Variants in LINGO2 observed in about 807,000 individuals in gnomAD.
The protein encoded by LINGO2 is leucine-rich repeat and immunoglobulin-like domain-containing nogo receptor-interacting protein 2.
In LINGO2, 14 loss-of-function variants were observed where a neutral mutation model predicts 30.6. The observed-to-expected ratio is 0.46, with a 90% confidence interval of 0.30 to 0.72. LINGO2 has a LOEUF of 0.72. Among genes scored for constraint, LINGO2 ranks in the 30% least tolerant of loss-of-function variants. The pLI, the probability that LINGO2 is intolerant of heterozygous loss-of-function variation, is 0.07. For synonymous variants in LINGO2, 317 were observed against 288.5 expected (o/e 1.10, Z -1.00); for missense variants, 729 against 751.7 (o/e 0.97, Z 0.35).
intron 2 of LINGO2, among the ~76,000 whole-genome samples, chr9:28,373,160 TA>T (rs762998321): frequency 3.3e-5 from 5 of 152,220 alleles, no homozygotes; most frequent in Non-Finnish European, 7.3e-5. Flanking sequence ...AGGGGATGTT[TA>T]ATAAACATGA....
At chr9:29,069,165 C>T in the LINGO2 span, among the ~76,000 whole-genome samples, 3 of 151,870 alleles carry the variant, frequency 2.0e-5, no homozygotes, top group Admixed American at 6.6e-5. Context: ...TAAGTGAACA[C>T]ATGATACTTA....
intron 2 of LINGO2, among the ~76,000 whole-genome samples, chr9:28,467,041 G>GT: frequency 6.6e-6 from 1 of 150,654 alleles, no homozygotes; most frequent in South Asian, 2.1e-4. Context: ...TTTTTGGGGG[G>GT]GGGGGACGGA....
chr9:28,964,688 A>G, the LINGO2 span, among the ~76,000 whole-genome samples: 1 of 152,024 alleles, frequency 6.6e-6, no homozygotes, highest in East Asian at 1.9e-4. Context: ...TGATAGAGAT[A>G]TTAGAGGCCT....
At chr9:28,044,442 T>C (rs2133009957) in intron 4 of LINGO2, among the ~76,000 whole-genome samples, 1 of 152,312 alleles carries the variant, frequency 6.6e-6, no homozygotes, top group East Asian at 1.9e-4. Flanking sequence ...ATGGATCAGC[T>C]GTAAGTCTCA....
At chr9:28,426,658 G>T (rs1201591905) in intron 2 of LINGO2, among the ~76,000 whole-genome samples, 1 of 152,082 alleles carries the variant, frequency 6.6e-6, no homozygotes, top group Non-Finnish European at 1.5e-5. Flanking sequence ...GGGACAGAGA[G>T]GTTGCCCCTG....
chr9:28,772,508 C>T, the LINGO2 span, among the ~76,000 whole-genome samples: 5 of 152,204 alleles, frequency 3.3e-5, no homozygotes, highest in African/African-American at 9.6e-5. Flanking sequence ...AATGAGACCC[C>T]AGCTTAGCAA....
At chr9:27,956,195 G>A (rs150361626) in intron 5 of LINGO2, among the ~76,000 whole-genome samples, 1 of 152,076 alleles carries the variant, frequency 6.6e-6, no homozygotes, top group Non-Finnish European at 1.5e-5. Context: ...TGCCCGCCTC[G>A]GCTCCCAAAA....
intron 3 of LINGO2, among the ~76,000 whole-genome samples, chr9:28,308,796 G>T (rs1225342006): frequency 1.3e-5 from 2 of 152,022 alleles, no homozygotes; most frequent in Non-Finnish European, 2.9e-5. Context: ...CTTCTCAAAA[G>T]AAGACATTTA....
chr9:28,714,089 G>A, the LINGO2 span, among the ~76,000 whole-genome samples: 1 of 151,130 alleles, frequency 6.6e-6, no homozygotes, highest in Non-Finnish European at 1.5e-5. Flanking sequence ...AACCTGGGAG[G>A]TGGAGGTTGC....
At chr9:29,113,378 A>C in the LINGO2 span, among the ~76,000 whole-genome samples, 1 of 152,308 alleles carries the variant, frequency 6.6e-6, no homozygotes, top group South Asian at 2.1e-4. Flanking sequence ...AGAAATCAGA[A>C]GTTTACATAT....
the LINGO2 span, among the ~76,000 whole-genome samples, chr9:28,738,362 T>G: frequency 2.0e-5 from 3 of 152,144 alleles, no homozygotes. Flanking sequence ...CATATTCACT[T>G]AAATATACTT....
At chr9:28,404,926 G>GTT (rs1554717019) in intron 2 of LINGO2, among the ~76,000 whole-genome samples, 8 of 150,930 alleles carry the variant, frequency 5.3e-5, no homozygotes, top group East Asian at 2.0e-4. Flanking sequence ...GTGTGTGTGT[G>GTT]TAAAATTCCA....
chr9:28,303,532 C>A (rs1034815054), intron 3 of LINGO2, among the ~76,000 whole-genome samples: 1 of 152,116 alleles, frequency 6.6e-6, no homozygotes, highest in African/African-American at 2.4e-5. Flanking sequence ...CAATATTTGA[C>A]TCCCCCAAAA....
the LINGO2 span, among the ~76,000 whole-genome samples, chr9:29,029,555 A>C: frequency 6.6e-5 from 10 of 152,136 alleles, no homozygotes; most frequent in Non-Finnish European, 5.9e-5. Flanking sequence ...CATACTTAGA[A>C]TGAATACTTC....
chr9:28,591,656 G>A (rs576400904), intron 1 of LINGO2, among the ~76,000 whole-genome samples: 3 of 152,148 alleles, frequency 2.0e-5, no homozygotes, highest in Non-Finnish European at 4.4e-5. Context: ...GGTTGGGAAC[G>A]CGGCACTGCT....
chr9:29,168,107 A>C, the LINGO2 span, among the ~76,000 whole-genome samples: 33 of 152,140 alleles, frequency 2.2e-4, no homozygotes, highest in Admixed American at 6.5e-5. Flanking sequence ...TGAACTAGGA[A>C]TAGAAAGACC....
At chr9:28,848,594 C>G in the LINGO2 span, among the ~76,000 whole-genome samples, 252 of 150,578 alleles carry the variant, frequency 1.7e-3, 2 homozygotes, top group Non-Finnish European at 2.4e-4. Flanking sequence ...CAACAAGACC[C>G]TCTGCTTTTT....
chr9:29,001,005 G>T, the LINGO2 span, among the ~76,000 whole-genome samples: 1 of 151,994 alleles, frequency 6.6e-6, no homozygotes, highest in African/African-American at 2.4e-5. Context: ...GGATAGAGCA[G>T]ATCATACACA....
intron 1 of LINGO2, among the ~76,000 whole-genome samples, chr9:28,534,952 G>A (rs1006136609): frequency 4.6e-5 from 7 of 151,982 alleles, no homozygotes; most frequent in East Asian, 1.9e-4. Context: ...ACATGTGTAT[G>A]TATATACATA....
Sources: allele counts gnomAD v4.1 joint callset (sites outside exome capture counted in the v4.1 genomes callset), GRCh38; gene constraint gnomAD v4.1.1; transcripts MANE v1.5; gene names NCBI Gene and HGNC (gene_info 2026-07-23, HGNC 2026-07-21).